KIF16B: variants seen among roughly 807,000 people sequenced by gnomAD.
KIF16B encodes kinesin family member 16B, also known as kinesin-like protein KIF16B.
A neutral mutation model predicts 156.3 loss-of-function variants in KIF16B; 98 were observed. The ratio of observed to expected loss-of-function variants is 0.63; its 90% confidence interval spans 0.53 to 0.74. The LOEUF is 0.74. Ranked by LOEUF, KIF16B falls within the 30% of genes least tolerant of loss-of-function variation. The pLI is 0.00. For synonymous variants in KIF16B, 564 were observed against 583.7 expected (o/e 0.97, Z 0.49); for missense variants, 1,421 against 1,606.5 (o/e 0.88, Z 1.97).
At position 16,379,143 on chromosome 20, in the gene KIF16B, T is replaced by G. The variant is rs1374776105; in HGVS notation, c.2859A>C (p.Glu953Asp). The G allele has an allele frequency of 8.1e-6, 13 of 1,614,124 alleles. No individual in the cohort carries two copies. The highest frequency in any genetic ancestry group is 1.1e-5 in the Non-Finnish European group (13 of 1,180,046). The change falls in exon 19 of 26, where the codon GAA becomes GAC. Residue 953 changes from glutamate to aspartate, a missense_variant. Physicochemically the swap from Glu to Asp is conservative, Grantham distance 45. Coordinates refer to ENST00000354981, the MANE Select transcript of KIF16B (RefSeq NM_024704.5). ...YQVEKEMEEK[E>D]EQLAQYQANA... ...TGGCCTGGTACTGTGCAAGCTGTTC[T>G]TCTTTTTCTTCCATTTCCTTTTCTA...
At chr20:16,277,070 A>C (rs1220920689) in intron 25 of KIF16B, among the ~76,000 whole-genome samples, 5 of 152,176 alleles carry the variant, frequency 3.3e-5, no homozygotes, top group Non-Finnish European at 7.3e-5. Context: ...TTCTAGCACC[A>C]GAGATTCGAA....
chr20:16,299,175 T>G (rs1462990784), intron 25 of KIF16B, among the ~76,000 whole-genome samples: 1 of 152,130 alleles, frequency 6.6e-6, no homozygotes, highest in Non-Finnish European at 1.5e-5. Context: ...TATTTATAGA[T>G]GAAATAATAT....
At chr20:16,375,071 T>A (rs752367088) in intron 19 of KIF16B, among the ~76,000 whole-genome samples, 1 of 151,992 alleles carries the variant, frequency 6.6e-6, no homozygotes, top group Admixed American at 6.5e-5. Flanking sequence ...AAATAAACCA[T>A]AAAATTAACC....
In KIF16B at chr20:16,374,284, G is replaced by A. The variant is rs574827319; in HGVS notation, c.3323C>T (p.Ser1108Leu). 4 of 1,597,284 alleles carry A rather than the reference G, an allele frequency of 2.5e-6. No individual in the cohort carries two copies. The Admixed American group carries it at 5.1e-5, about 20-fold the overall frequency. The change falls in exon 20 of 26, where the codon TCA (serine) becomes TTA (leucine). Residue 1108 changes from serine (S) to leucine (L), a missense_variant. By Grantham distance (145) the Ser-to-Leu change is moderately radical. Coordinates refer to ENST00000354981, the MANE Select transcript of KIF16B (RefSeq NM_024704.5). ...GGCATCCATGAGGGGAACCAGGTGT[G>A]ATTTTTCAGCACTGACTGGCAAGCT... is the stretch of plus-strand genomic sequence containing the variant. The part of the protein sequence containing the change: ...SSSLPVSAEK[S>L]HLVPLMDARI...
chr20:16,367,319 C>T lies in KIF16B; in HGVS notation c.3498+3267G>A, dbSNP rs180720160. 1.2e-5 allele frequency: 19 copies of T among 1,612,884 alleles called. No individual in the cohort carries two copies. The highest frequency in any genetic ancestry group is 2.2e-5 in the South Asian group (2 of 91,080). On this transcript the variant is annotated intron_variant, in intron 22 of 25. Transcript: ENST00000354981. ...TCAGGTGGACTATTTCTGGAACCCA[C>T]TGAAGGTTTGAGTTTCTGTAAGAAG... is the stretch of plus-strand genomic sequence containing the variant.
intron 12 of KIF16B, among the ~76,000 whole-genome samples, chr20:16,481,730 G>A (rs73241906): frequency 0.02 from 2,989 of 152,270 alleles, 101 homozygotes; most frequent in African/African-American, 0.069. Context: ...AATTCTTTCA[G>A]GGAGAATTCA....
intron 21 of KIF16B, 112 bp downstream of exon 21, chr20:16,371,553 G>GCAC (rs1319450361): frequency 1.6e-6 from 1 of 628,200 alleles, no homozygotes; most frequent in Non-Finnish European, 2.7e-6. Context: ...TGGTGCCACT[G>GCAC]CACTCCAGCT....
chr20:16,350,902 T>A, intron 23 of KIF16B, among the ~76,000 whole-genome samples: 1 of 140,536 alleles, frequency 7.1e-6, no homozygotes, highest in African/African-American at 2.7e-5. Context: ...TGGGGGGGGG[T>A]CTGTGTCATA....
At chr20:16,479,359 C>T (rs61315649) in intron 12 of KIF16B, among the ~76,000 whole-genome samples, 8,374 of 151,854 alleles carry the variant, frequency 0.055, 462 homozygotes, top group African/African-American at 0.15. Context: ...GGACTGGAGG[C>T]GGCGGATGGG....
chr20:16,463,048 A>C (rs962281197), intron 12 of KIF16B, among the ~76,000 whole-genome samples: 1 of 152,200 alleles, frequency 6.6e-6, no homozygotes, highest in African/African-American at 2.4e-5. Context: ...TGCAAATGGC[A>C]CACCTGGTCC....
intron 25 of KIF16B, among the ~76,000 whole-genome samples, chr20:16,305,598 G>A (rs2063529967): frequency 6.6e-6 from 1 of 151,980 alleles, no homozygotes; most frequent in South Asian, 2.1e-4. Flanking sequence ...AACTATAATA[G>A]CCACACTGTA....
chr20:16,493,687 C>T (rs1218316859), intron 12 of KIF16B, among the ~76,000 whole-genome samples: 1 of 152,172 alleles, frequency 6.6e-6, no homozygotes, highest in Non-Finnish European at 1.5e-5. Flanking sequence ...TGTCTGCCAA[C>T]TCAGCAAAAA....
intron 15 of KIF16B, among the ~76,000 whole-genome samples, chr20:16,419,065 T>G (rs779951225): frequency 2.2e-4 from 34 of 152,138 alleles, no homozygotes; most frequent in Non-Finnish European, 4.0e-4. Context: ...GCTGGTTCAG[T>G]AGGTCTAGGT....
intron 1 of KIF16B, among the ~76,000 whole-genome samples, chr20:16,562,231 A>T (rs931388117): frequency 6.6e-6 from 1 of 152,242 alleles, no homozygotes; most frequent in Non-Finnish European, 1.5e-5. Context: ...ATTTAAACAC[A>T]GTAAAGTGTT....
At chr20:16,396,633 T>C (rs1294914979) in intron 17 of KIF16B, among the ~76,000 whole-genome samples, 3 of 148,558 alleles carry the variant, frequency 2.0e-5, no homozygotes, top group Non-Finnish European at 4.4e-5. Flanking sequence ...TATGGTAACA[T>C]GTTAACTGTA....
At chr20:16,388,404 C>G (rs2065277595) in intron 17 of KIF16B, among the ~76,000 whole-genome samples, 1 of 152,098 alleles carries the variant, frequency 6.6e-6, no homozygotes, top group South Asian at 2.1e-4. Context: ...GAGAGAACAT[C>G]AAGAATAATT....
Position 16,545,637 on chromosome 20 carries a change from C to T in KIF16B, c.48-17197G>A, listed in dbSNP as rs569847023. ...CCGAGATCGCACCACTGCACTCCAG[C>T]CTGGGTGACAGAGTGAGACTCTGTC... On this transcript the variant is annotated intron_variant, in intron 1 of 25. Transcript: ENST00000354981. Among the ~76,000 whole-genome samples the T allele has an allele frequency of 6.7e-4, 102 of 152,300 alleles. 1 individual carries two copies. Among genetic ancestry groups the T allele is most frequent in the African/African-American group, 2.3e-3 (94 of 41,558 alleles).
intron 25 of KIF16B, among the ~76,000 whole-genome samples, chr20:16,274,039 C>T (rs1452024297): frequency 6.6e-6 from 1 of 151,502 alleles, no homozygotes; most frequent in Non-Finnish European, 1.5e-5. Context: ...GTCATTTCCT[C>T]CCCGCTCCCA....
At chr20:16,451,774 C>CT (rs138961313) in intron 12 of KIF16B, among the ~76,000 whole-genome samples, 1 of 151,486 alleles carries the variant, frequency 6.6e-6, no homozygotes, top group African/African-American at 2.4e-5. Context: ...GGGGACCAAA[C>CT]TTTTTTTTTA....
Sources: gnomAD v4.1 joint callset for allele counts (sites outside exome capture counted in the v4.1 genomes callset) on GRCh38, gnomAD v4.1.1 for gene constraint, MANE v1.5 for transcripts, NCBI Gene and HGNC (gene_info 2026-07-23, HGNC 2026-07-21) for gene names.